RGS6: variants seen among roughly 807,000 people sequenced by gnomAD.
RGS6 encodes regulator of G protein signaling 6.
In RGS6, 30 loss-of-function variants were observed where a neutral mutation model predicts 78.5. That is an observed-to-expected ratio of 0.38 (90% CI 0.29 to 0.52). The LOEUF is 0.52. RGS6 is among the 20% of genes least tolerant of loss of function. The pLI, the probability that RGS6 is intolerant of heterozygous loss-of-function variation, is 0.85. For missense variants in RGS6, 495 were observed against 609.7 expected (o/e 0.81, Z 1.98); for synonymous variants, 206 against 206.0 (o/e 1.00, Z 0.00).
chr14:72,585,766 T>C, the RGS6 span, among the ~76,000 whole-genome samples: 2 of 152,216 alleles, frequency 1.3e-5, no homozygotes, highest in Admixed American at 6.5e-5. Context: ...TTCTTTTCCC[T>C]TTGTATCATC....
intron 2 of RGS6, among the ~76,000 whole-genome samples, chr14:72,329,619 G>T (rs1440885800): frequency 6.6e-6 from 1 of 152,270 alleles, no homozygotes; most frequent in Non-Finnish European, 1.5e-5. Context: ...TTTAGGAAAA[G>T]AGAAGAACTC....
chr14:71,982,068 CCTTT>C (rs1431307600), intron 2 of RGS6, among the ~76,000 whole-genome samples: 1 of 152,258 alleles, frequency 6.6e-6, no homozygotes, highest in African/African-American at 2.4e-5. Context: ...CTCCGTCACC[CCTTT>C]CTTTGACTAG....
intron 17 of RGS6, chr14:72,547,332 G>A (rs1419187486): frequency 6.5e-7 from 1 of 1,535,382 alleles, no homozygotes; most frequent in Non-Finnish European, 8.7e-7. Flanking sequence ...AGAGAAGTCA[G>A]AGAGCTTCAA....
At chr14:72,130,219 A>G (rs2096285670) in intron 2 of RGS6, among the ~76,000 whole-genome samples, 1 of 152,222 alleles carries the variant, frequency 6.6e-6, no homozygotes, top group African/African-American at 2.4e-5. Context: ...AAGGGTCTTG[A>G]GTGCAGGAAC....
chr14:72,570,594 T>C (rs186174200), downstream of RGS6, among the ~76,000 whole-genome samples: 3 of 152,354 alleles, frequency 2.0e-5, no homozygotes, highest in Admixed American at 2.0e-4. Context: ...TCCTACCAAT[T>C]ACTCTGGAGT....
At chr14:72,427,619 T>C (rs1207643936) in intron 3 of RGS6, among the ~76,000 whole-genome samples, 2 of 152,094 alleles carry the variant, frequency 1.3e-5, no homozygotes, top group African/African-American at 4.8e-5. Flanking sequence ...GGAGGAGTCT[T>C]GCTTATCATC....
chr14:72,250,007 G>A (rs1452431585), intron 2 of RGS6, among the ~76,000 whole-genome samples: 6 of 145,604 alleles, frequency 4.1e-5, no homozygotes, highest in Non-Finnish European at 7.5e-5. Flanking sequence ...ACCAAACACC[G>A]CATATTCTCA....
intron 3 of RGS6, among the ~76,000 whole-genome samples, chr14:72,427,302 A>G (rs1267711535): frequency 1.3e-5 from 2 of 152,220 alleles, no homozygotes; most frequent in Admixed American, 6.5e-5. Context: ...ACTAAGTTAT[A>G]AATAAAACTT....
chr14:72,269,956 A>G (rs1029617), intron 2 of RGS6, among the ~76,000 whole-genome samples: 87,048 of 152,072 alleles, frequency 0.57, 24,993 homozygotes, highest in Middle Eastern at 0.6. Flanking sequence ...TAAAAATAGC[A>G]TATATGTCCT....
In RGS6 at chr14:72,052,157, G is replaced by T. The variant is rs78106616; in HGVS notation, c.84+87282G>T. Among the ~76,000 whole-genome samples the T allele has an allele frequency of 8.5e-3, 1,292 of 152,248 alleles. 19 individuals are homozygous for T. Among genetic ancestry groups the T allele is most frequent in the African/African-American group, 0.029 (1,217 of 41,562 alleles). ...TGTATTTGGAGTTACATCTAAGTCA[G>T]AAGAGTACATCTTGTTTATCCCCCC... On this transcript the variant is annotated intron_variant, in intron 2 of 17. Transcript: ENST00000553525.
intron 2 of RGS6, among the ~76,000 whole-genome samples, chr14:72,271,028 C>G (rs925388970): frequency 1.3e-5 from 2 of 152,236 alleles, no homozygotes; most frequent in South Asian, 2.1e-4. Flanking sequence ...GAAACCCATG[C>G]CTTTTGTTCA....
chr14:72,355,229 T>C lies in RGS6; in HGVS notation c.184+3035T>C, dbSNP rs2080013973. 2.6e-5 allele frequency among the ~76,000 whole-genome samples: 4 copies of C among 151,882 alleles called. No individual in the cohort carries two copies. The South Asian group carries it at 8.3e-4, about 32-fold the overall frequency. On this transcript the variant is annotated intron_variant, in intron 3 of 17. Coordinates refer to ENST00000553525, the MANE Select transcript of RGS6 (RefSeq NM_001204424.2). ...TTTTTTTTAGACAGAGTCTTGCTCTTGTCACCCAGGCTGGAGTGCAGTGGC... is the reference window on the plus strand; with the variant it reads ...TTTTTTTTAGACAGAGTCTTGCTCTCGTCACCCAGGCTGGAGTGCAGTGGC...
chr14:72,044,930 C>G (rs1042873315), intron 2 of RGS6, among the ~76,000 whole-genome samples: 3 of 152,244 alleles, frequency 2.0e-5, no homozygotes, highest in South Asian at 2.1e-4. Flanking sequence ...GTTCTCCACC[C>G]TAGGGATTCT....
intron 7 of RGS6, among the ~76,000 whole-genome samples, chr14:72,468,480 T>G (rs1420489447): frequency 6.6e-6 from 1 of 152,090 alleles, no homozygotes; most frequent in Non-Finnish European, 1.5e-5. Context: ...AATGCAATAA[T>G]TTTTTTATGA....
chr14:72,550,516 T>C (rs1454222881), intron 17 of RGS6: 6 of 1,535,538 alleles, frequency 3.9e-6, no homozygotes, highest in Non-Finnish European at 5.2e-6. Flanking sequence ...CACATTACAC[T>C]GGGAAATGGA....
At chr14:72,559,579 G>A (rs138011945) in intron 17 of RGS6, among the ~76,000 whole-genome samples, 64 of 152,306 alleles carry the variant, frequency 4.2e-4, no homozygotes, top group African/African-American at 1.4e-3. Context: ...TGGTAAATGC[G>A]CGAAAGCAGG....
At chr14:72,161,732 A>G (rs1348689051) in intron 2 of RGS6, among the ~76,000 whole-genome samples, 4 of 152,214 alleles carry the variant, frequency 2.6e-5, no homozygotes, top group Non-Finnish European at 2.9e-5. Flanking sequence ...TGGAGTAACA[A>G]TGCCTTTCAT....
intron 15 of RGS6, among the ~76,000 whole-genome samples, chr14:72,531,230 C>T (rs2097178441): frequency 2.6e-5 from 4 of 151,898 alleles, no homozygotes; most frequent in Admixed American, 6.6e-5. Context: ...GCCAGGAGTT[C>T]GAGACCAGCC....
chr14:72,266,428 C>G (rs2059082657), intron 2 of RGS6, among the ~76,000 whole-genome samples: 1 of 152,188 alleles, frequency 6.6e-6, no homozygotes, highest in Non-Finnish European at 1.5e-5. Flanking sequence ...GCCGTCCTCC[C>G]AGTTTTTACC....
Sources: gnomAD v4.1 joint callset for allele counts (sites outside exome capture counted in the v4.1 genomes callset) on GRCh38, gnomAD v4.1.1 for gene constraint, MANE v1.5 for transcripts, NCBI Gene and HGNC (gene_info 2026-07-23, HGNC 2026-07-21) for gene names.